Variants in SIAH1 observed in about 807,000 individuals in gnomAD.
SIAH1 encodes E3 ubiquitin-protein ligase SIAH1.
In SIAH1, 2 loss-of-function variants were observed where a neutral mutation model predicts 20.0. The observed-to-expected ratio is 0.10, with a 90% CI of 0.04 to 0.31. The LOEUF is 0.31. SIAH1 is among the 10% of genes least tolerant of loss of function. The probability of loss-of-function intolerance (pLI) is 1.00; values close to 1 mark genes in which losing one functional copy is unlikely to be tolerated. For synonymous variants in SIAH1, 118 were observed against 125.3 expected (o/e 0.94, Z 0.39); for missense variants, 119 against 355.3 (o/e 0.33, Z 5.35).
In SIAH1 at chr16:48,361,529, T is replaced by C; in HGVS notation, c.*51A>G. On this transcript the variant is annotated 3_prime_UTR_variant, in exon 2 of 2. Transcript: ENST00000394725. ...TGGCAGACAGATGGGTGCCTTATTT[T>C]CTGTGAAACTGAAGTTTTAAACACT... The C allele has an allele frequency of 6.3e-7, 1 of 1,587,142 alleles. No individual in the cohort carries two copies. Among genetic ancestry groups the C allele is most frequent in the Non-Finnish European group, 8.6e-7 (1 of 1,164,798 alleles).
upstream of SIAH1, among the ~76,000 whole-genome samples, chr16:48,385,745 GACCCCCCCGGCTCCGGCCGGA>G (rs1961447776): frequency 2.0e-5 from 3 of 151,916 alleles, no homozygotes; most frequent in Admixed American, 2.0e-4. Context: ...GGGGCCGCGT[GACCCCCCCGGCTCCGGCCGGA>G]GGGGTCGCCC....
intron 1 of SIAH1, among the ~76,000 whole-genome samples, chr16:48,372,123 TA>T (rs1248589498): frequency 6.6e-6 from 1 of 152,052 alleles, no homozygotes; most frequent in African/African-American, 2.4e-5. Flanking sequence ...CTAAAGAAAT[TA>T]AAGAAACAGG....
chr16:48,361,625 T>C lies in SIAH1; in HGVS notation c.804A>G (p.Ala268=). The C allele has an allele frequency of 6.2e-7, 1 of 1,613,064 alleles. No individual in the cohort carries two copies. The highest frequency in any genetic ancestry group is 8.5e-7 in the Non-Finnish European group (1 of 1,178,990). The change falls in exon 2 of 2, where the codon GCA becomes GCG. Residue 268 remains alanine, a synonymous_variant. Transcript: ENST00000394725. ...VFDTSIAQLF[A]ENGNLGINVT... Reference sequence around the variant, plus strand: ...CATTGATGCCTAAATTGCCATTTTCTGCAAAAAGCTGTGCAATGCTGGTGT... The same window carrying C: ...CATTGATGCCTAAATTGCCATTTTCCGCAAAAAGCTGTGCAATGCTGGTGT...
chr16:48,364,141 G>C (rs1452101083), intron 1 of SIAH1, among the ~76,000 whole-genome samples: 2 of 151,540 alleles, frequency 1.3e-5, no homozygotes, highest in Non-Finnish European at 1.5e-5. Flanking sequence ...GTAGAGACGG[G>C]GTTTCACCAT....
At chr16:48,383,332 T>G (rs980742159) in intron 1 of SIAH1, among the ~76,000 whole-genome samples, 7 of 152,216 alleles carry the variant, frequency 4.6e-5, no homozygotes, top group Admixed American at 4.6e-4. Flanking sequence ...ATTTTCAGAA[T>G]GAAACACTAC....
rs1003760344 is a variant in SIAH1 at position 48,361,120 on chromosome 16, AAGCACACAGC to A, written c.*450_*459del. 22 of 153,264 alleles carry A rather than the reference AAGCACACAGC, an allele frequency of 1.4e-4. No individual in the cohort carries two copies. The highest frequency in any genetic ancestry group is 5.1e-4 in the African/African-American group (21 of 41,470). 9.5% of individuals were successfully genotyped at this position (153,264 alleles called of 1,614,324 possible). On this transcript the variant is annotated 3_prime_UTR_variant, in exon 2 of 2. Transcript: ENST00000394725. Reference sequence around the variant, plus strand: ...AAAAATTAGCAAATACACACAAAAAAAGCACACAGCAGCACTATGTATTGACTCACAAAGG... The same window carrying A: ...AAAAATTAGCAAATACACACAAAAAAAGCACTATGTATTGACTCACAAAGG...
At position 48,362,517 on chromosome 16, in the gene SIAH1, T is replaced by C; in HGVS notation, c.-2-87A>G. 1 of 1,363,784 alleles carries C rather than the reference T, an allele frequency of 7.3e-7. No homozygotes were observed. The highest frequency in any genetic ancestry group is 1.3e-5 in the South Asian group (1 of 74,430). 84.5% of individuals were successfully genotyped at this position (1,363,784 alleles called of 1,614,324 possible). ...TAATGTTTACATGCCATAAGTCCTTTTAAAGTTTCATACAAAATTTACTGA... is the reference window on the plus strand; with the variant it reads ...TAATGTTTACATGCCATAAGTCCTTCTAAAGTTTCATACAAAATTTACTGA... On this transcript the variant is annotated intron_variant, in intron 1 of 1. Transcript: ENST00000394725. The surrounding 1 kb of genome is among the most constrained non-coding windows in gnomAD (Gnocchi z 4.2).
chr16:48,381,281 G>A (rs939381277), intron 1 of SIAH1, among the ~76,000 whole-genome samples: 4 of 152,172 alleles, frequency 2.6e-5, no homozygotes, highest in Non-Finnish European at 5.9e-5. Flanking sequence ...GGAGGTGGAA[G>A]TTGCAGTGAG....
intron 1 of SIAH1, 78 bp downstream of exon 1, chr16:48,385,125 CG>C: frequency 5.8e-6 from 1 of 173,044 alleles, no homozygotes; most frequent in South Asian, 8.1e-5. Flanking sequence ...TCCCGCCCTC[CG>C]CCATTACCGG....
chr16:48,366,186 T>C (rs1459820983), intron 1 of SIAH1, among the ~76,000 whole-genome samples: 1 of 151,114 alleles, frequency 6.6e-6, no homozygotes, highest in African/African-American at 2.4e-5. Flanking sequence ...CTATTTTCGG[T>C]AGGTCAGAAC....
Position 48,361,954 on chromosome 16 carries a change from G to A in SIAH1, c.475C>T (p.Gln159Ter), listed in dbSNP as rs1391324763. The A allele has an allele frequency of 6.2e-7, 1 of 1,614,174 alleles. No homozygotes were observed. The highest frequency in any genetic ancestry group is 8.5e-7 in the Non-Finnish European group (1 of 1,180,030). ...GCAAGAAAAACTATATCCTCTCCCT[G>A]TAGGGTTGTAATGGACTTATGCTGA... The part of the protein sequence containing the change: ...MHQHKSITTL[Q>*]GEDIVFLATD... The change falls in exon 2 of 2, where the codon CAG (glutamine) becomes TAG (stop). Residue 159 changes from glutamine (Q) to a stop codon, truncating the protein, a stop_gained. Transcript: ENST00000394725. LOFTEE classifies it high-confidence loss of function.
At chr16:48,372,629 A>T (rs142447309) in intron 1 of SIAH1, among the ~76,000 whole-genome samples, 1 of 152,228 alleles carries the variant, frequency 6.6e-6, no homozygotes, top group Non-Finnish European at 1.5e-5. Context: ...AACATAAATA[A>T]TTCATTTGTG....
At chr16:48,375,272 G>A (rs983870996) in intron 1 of SIAH1, among the ~76,000 whole-genome samples, 1 of 152,178 alleles carries the variant, frequency 6.6e-6, no homozygotes, top group African/African-American at 2.4e-5. Flanking sequence ...AATACTGTGT[G>A]CTGCCTTCTT....
chr16:48,377,593 C>T (rs1454789515), intron 1 of SIAH1, among the ~76,000 whole-genome samples: 1 of 151,978 alleles, frequency 6.6e-6, no homozygotes, highest in Non-Finnish European at 1.5e-5. Flanking sequence ...CAGGGCTTCA[C>T]CATGTTGGCC....
At chr16:48,373,617 G>C (rs767563268) in intron 1 of SIAH1, among the ~76,000 whole-genome samples, 8 of 152,040 alleles carry the variant, frequency 5.3e-5, no homozygotes, top group Non-Finnish European at 1.0e-4. Flanking sequence ...CTCCCAACCA[G>C]TCTCATTGTT....
intron 1 of SIAH1, among the ~76,000 whole-genome samples, chr16:48,384,801 G>T (rs980050227): frequency 1.3e-5 from 2 of 150,400 alleles, no homozygotes; most frequent in African/African-American, 2.4e-5. Flanking sequence ...CGCACACCCC[G>T]GGACCCTCCA....
At chr16:48,377,310 C>G (rs1169673165) in intron 1 of SIAH1, among the ~76,000 whole-genome samples, 2 of 151,852 alleles carry the variant, frequency 1.3e-5, no homozygotes, top group African/African-American at 4.8e-5. Flanking sequence ...ACTGGGCAAC[C>G]ACAAACCTAA....
At chr16:48,367,680 G>C (rs540985529) in intron 1 of SIAH1, among the ~76,000 whole-genome samples, 2 of 152,316 alleles carry the variant, frequency 1.3e-5, no homozygotes, top group African/African-American at 2.4e-5. Flanking sequence ...CACTCCAAAA[G>C]ATGCCTTAAC....
chr16:48,365,347 G>A (rs372517255), intron 1 of SIAH1: 31 of 1,611,052 alleles, frequency 1.9e-5, no homozygotes, highest in Non-Finnish European at 2.6e-5. Context: ...TAGCGTTCAA[G>A]TTTCACAGCC....
Sources: allele counts gnomAD v4.1 joint callset (sites outside exome capture counted in the v4.1 genomes callset), GRCh38; gene constraint gnomAD v4.1.1; non-coding constraint Gnocchi (gnomAD v3.1); transcripts MANE v1.5; gene names NCBI Gene and HGNC (gene_info 2026-07-23, HGNC 2026-07-21).